STK31: variants seen among roughly 807,000 people sequenced by gnomAD.
STK31 encodes the protein serine/threonine-protein kinase 31.
Under a neutral mutation model 129.7 loss-of-function variants are expected in STK31, and 89 were observed. That is an observed-to-expected ratio of 0.69 (90% CI 0.58 to 0.82). STK31 has a LOEUF of 0.82. STK31 is among the 40% of genes least tolerant of loss of function. The pLI, the probability that STK31 is intolerant of heterozygous loss-of-function variation, is 0.00. For missense variants in STK31, 1,187 were observed against 1,176.4 expected (o/e 1.01, Z -0.13); for synonymous variants, 448 against 395.3 (o/e 1.13, Z -1.58).
intron 6 of STK31, among the ~76,000 whole-genome samples, chr7:23,731,377 C>T (rs570013681): frequency 3.3e-5 from 5 of 152,232 alleles, no homozygotes; most frequent in Admixed American, 1.3e-4. Context: ...CCCACTTACC[C>T]GGTCCTCTGT....
chr7:23,719,515 T>A (rs948786641), intron 4 of STK31, among the ~76,000 whole-genome samples: 10 of 152,112 alleles, frequency 6.6e-5, no homozygotes, highest in African/African-American at 2.4e-4. Flanking sequence ...AAGATTAAAC[T>A]TCTAAAGCAA....
intron 8 of STK31, among the ~76,000 whole-genome samples, chr7:23,742,763 C>A (rs1302571751): frequency 6.6e-6 from 1 of 152,050 alleles, no homozygotes; most frequent in Non-Finnish European, 1.5e-5. Context: ...TTAGTCTGTT[C>A]AAAATGTGTC....
chr7:23,820,750 G>A (rs1449841015), intron 23 of STK31, among the ~76,000 whole-genome samples: 8 of 152,108 alleles, frequency 5.3e-5, no homozygotes, highest in Non-Finnish European at 4.4e-5. Context: ...TTATAGCTCC[G>A]ACATATGAGT....
At chr7:23,756,062 A>G (rs1789062286) in intron 10 of STK31, among the ~76,000 whole-genome samples, 1 of 152,150 alleles carries the variant, frequency 6.6e-6, no homozygotes. Flanking sequence ...TGGGAATAGC[A>G]TTGGTTCTAT....
chr7:23,760,083 T>C (rs897916875), intron 10 of STK31, among the ~76,000 whole-genome samples: 4 of 152,210 alleles, frequency 2.6e-5, no homozygotes, highest in Non-Finnish European at 5.9e-5. Context: ...ACATAAATTC[T>C]TTATTAGCTT....
chr7:23,824,254 TG>T (rs1793972045), intron 23 of STK31, among the ~76,000 whole-genome samples: 1 of 152,240 alleles, frequency 6.6e-6, no homozygotes, highest in South Asian at 2.1e-4. Flanking sequence ...TCCATTTCTT[TG>T]TATCCTCTTT....
chr7:23,802,501 G>T (rs932514976), intron 22 of STK31, among the ~76,000 whole-genome samples: 4 of 152,032 alleles, frequency 2.6e-5, no homozygotes, highest in Admixed American at 2.0e-4. Flanking sequence ...TGAGGGGAGC[G>T]CCAAGAAGCT....
chr7:23,744,378 C>T (rs1419505036), intron 8 of STK31, among the ~76,000 whole-genome samples: 8 of 148,038 alleles, frequency 5.4e-5, no homozygotes, highest in African/African-American at 7.5e-5. Flanking sequence ...TATTATTTTT[C>T]AGAATTATCT....
At chr7:23,818,761 A>C (rs921794101) in intron 23 of STK31, among the ~76,000 whole-genome samples, 1 of 152,148 alleles carries the variant, frequency 6.6e-6, no homozygotes, top group African/African-American at 2.4e-5. Context: ...AGTAGCTGGT[A>C]CTACAGTCAC....
At chr7:23,727,443 A>G (rs1471076317) in intron 5 of STK31, 128 bp downstream of exon 5, 3 of 707,070 alleles carry the variant, frequency 4.2e-6, no homozygotes, top group Non-Finnish European at 7.2e-6. Context: ...ATTAAAACAC[A>G]GAAGAAATTA....
chr7:23,737,196 A>G (rs1384316372), intron 8 of STK31, 118 bp downstream of exon 8: 2 of 922,066 alleles, frequency 2.2e-6, no homozygotes, highest in South Asian at 3.7e-5. Context: ...TCCTTTGCTA[A>G]TCCCTGTATT....
chr7:23,778,212 G>C (rs966980245), intron 15 of STK31, among the ~76,000 whole-genome samples: 1 of 152,192 alleles, frequency 6.6e-6, no homozygotes. Context: ...ATTGCTGTTA[G>C]TTTGATGGGC....
chr7:23,756,973 C>T (rs6969275), intron 10 of STK31, among the ~76,000 whole-genome samples: 1 of 151,806 alleles, frequency 6.6e-6, no homozygotes, highest in Admixed American at 6.6e-5. Flanking sequence ...TGTCTTTTCC[C>T]GGTTTGGGTA....
At chr7:23,765,697 C>T (rs971204411) in intron 11 of STK31, among the ~76,000 whole-genome samples, 2 of 151,848 alleles carry the variant, frequency 1.3e-5, no homozygotes, top group African/African-American at 4.8e-5. Flanking sequence ...GCTAGGATTA[C>T]AGGCAGGCCT....
Position 23,814,146 on chromosome 7 carries a change from C to CTTTTT in STK31, c.2761-996_2761-995insTTTTT, listed in dbSNP as rs71552259. Among the ~76,000 whole-genome samples, 4 of 98,938 alleles carry CTTTTT rather than the reference C, an allele frequency of 4.0e-5. 1 individual carries two copies. Among genetic ancestry groups the CTTTTT allele is most frequent in the South Asian group, 3.1e-4 (1 of 3,182 alleles). 64.9% of individuals were successfully genotyped at this position (98,938 alleles called of 152,430 possible). A position where few individuals can be genotyped will look rare whatever the true frequency, so the allele number is the denominator to read the frequency against. ...GTTGGGAAACATCAGATCTGGCTCA[C>CTTTTT]TTATTTTTTTTTTTTTTTCAGTTGG... On this transcript the variant is annotated intron_variant, in intron 22 of 23. Transcript: ENST00000355870.
intron 22 of STK31, among the ~76,000 whole-genome samples, chr7:23,801,717 G>A (rs1792380406): frequency 6.6e-6 from 1 of 152,110 alleles, no homozygotes; most frequent in African/African-American, 2.4e-5. Flanking sequence ...TAATTTTTGT[G>A]TAAGGTGGGA....
chr7:23,750,172 C>G (rs1363516020), intron 8 of STK31, among the ~76,000 whole-genome samples: 1 of 148,896 alleles, frequency 6.7e-6, no homozygotes, highest in Non-Finnish European at 1.5e-5. Flanking sequence ...GTAAAATTCA[C>G]AAAAGCATGG....
intron 14 of STK31, chr7:23,771,571 A>G (rs1790196053): frequency 6.5e-6 from 1 of 152,964 alleles, no homozygotes; most frequent in Non-Finnish European, 1.5e-5. Flanking sequence ...ACATTTTTCT[A>G]TATGATTTTT....
intron 5 of STK31, chr7:23,727,626 GA>G: frequency 1.3e-5 from 3 of 228,540 alleles, no homozygotes; most frequent in Non-Finnish European, 2.3e-5. Context: ...GCAGTGGTAC[GA>G]TCTTGGCTCA....
Sources: allele counts gnomAD v4.1 joint callset (sites outside exome capture counted in the v4.1 genomes callset), GRCh38; gene constraint gnomAD v4.1.1; transcripts MANE v1.5; gene names NCBI Gene and HGNC (gene_info 2026-07-23, HGNC 2026-07-21).